Variants in CCSER1 observed in about 807,000 individuals in gnomAD.
CCSER1 encodes serine-rich coiled-coil domain-containing protein 1.
In CCSER1, 41 loss-of-function variants were observed where a neutral mutation model predicts 82.0. The ratio of observed to expected loss-of-function variants is 0.50; its 90% confidence interval spans 0.39 to 0.65. CCSER1 has a LOEUF of 0.65. CCSER1 is among the 30% of genes least tolerant of loss of function. The pLI is 0.00. For synonymous variants in CCSER1, 414 were observed against 383.9 expected (o/e 1.08, Z -0.92); for missense variants, 1,119 against 1,064.2 (o/e 1.05, Z -0.72).
chr4:91,213,975 G>A (rs1737040236), intron 10 of CCSER1, among the ~76,000 whole-genome samples: 1 of 151,986 alleles, frequency 6.6e-6, no homozygotes, highest in Admixed American at 6.6e-5. Context: ...TGTCTGTTTG[G>A]GTTATAAATA....
intron 10 of CCSER1, among the ~76,000 whole-genome samples, chr4:91,146,624 T>TG (rs2148941564): frequency 6.6e-6 from 1 of 152,168 alleles, no homozygotes; most frequent in East Asian, 1.9e-4. Context: ...GCTTTTGTTT[T>TG]TATATTCTTT....
intron 10 of CCSER1, among the ~76,000 whole-genome samples, chr4:91,435,284 A>G (rs1356055248): frequency 2.6e-5 from 4 of 152,086 alleles, no homozygotes; most frequent in Admixed American, 2.0e-4. Context: ...TACAAAAAAT[A>G]TTTAAAAGTT....
chr4:91,362,512 G>T (rs1370520208), intron 10 of CCSER1, among the ~76,000 whole-genome samples: 1 of 151,750 alleles, frequency 6.6e-6, no homozygotes, highest in African/African-American at 2.4e-5. Context: ...TTTATTTAAA[G>T]TCCAAAATAT....
chr4:91,334,317 G>A (rs564510690), intron 10 of CCSER1, among the ~76,000 whole-genome samples: 15 of 152,024 alleles, frequency 9.9e-5, no homozygotes, highest in African/African-American at 3.6e-4. Context: ...TCTCAACCTC[G>A]TATGCTTCTT....
intron 5 of CCSER1, among the ~76,000 whole-genome samples, chr4:90,536,396 C>T (rs1775367784): frequency 6.6e-6 from 1 of 152,036 alleles, no homozygotes; most frequent in Non-Finnish European, 1.5e-5. Flanking sequence ...CGATAATTAG[C>T]CTATTTGCAA....
At chr4:90,447,765 A>T (rs1760857516) in intron 4 of CCSER1, among the ~76,000 whole-genome samples, 1 of 152,186 alleles carries the variant, frequency 6.6e-6, no homozygotes, top group African/African-American at 2.4e-5. Flanking sequence ...ACGTTAATGG[A>T]TCATAACAGC....
At chr4:90,153,113 C>T (rs1237824314) in intron 1 of CCSER1, among the ~76,000 whole-genome samples, 1 of 146,140 alleles carries the variant, frequency 6.8e-6, no homozygotes, top group African/African-American at 2.5e-5. Context: ...TCAATTCCCA[C>T]CTATGAGTGA....
intron 9 of CCSER1, among the ~76,000 whole-genome samples, chr4:90,935,662 A>C (rs1008206872): frequency 2.0e-5 from 3 of 152,206 alleles, no homozygotes; most frequent in African/African-American, 7.2e-5. Context: ...CATTATAGTA[A>C]GATGTAATAT....
At chr4:90,596,438 G>A (rs1560781488) in intron 5 of CCSER1, among the ~76,000 whole-genome samples, 1 of 151,734 alleles carries the variant, frequency 6.6e-6, no homozygotes, top group Non-Finnish European at 1.5e-5. Flanking sequence ...TACTAACAAT[G>A]ATATAATTTT....
intron 3 of CCSER1, among the ~76,000 whole-genome samples, chr4:90,313,854 C>T (rs1735720447): frequency 6.6e-6 from 1 of 152,176 alleles, no homozygotes; most frequent in South Asian, 2.1e-4. Context: ...TGTCCTTTTT[C>T]AGCAGTGTAT....
At chr4:91,275,659 G>T (rs1269373948) in intron 10 of CCSER1, among the ~76,000 whole-genome samples, 5 of 152,058 alleles carry the variant, frequency 3.3e-5, no homozygotes, top group Non-Finnish European at 7.4e-5. Context: ...CTTTTGCTGT[G>T]CAGAAGCTTT....
chr4:91,345,571 G>T (rs752047170), intron 10 of CCSER1, among the ~76,000 whole-genome samples: 1 of 152,094 alleles, frequency 6.6e-6, no homozygotes, highest in Non-Finnish European at 1.5e-5. Context: ...TGAGCAGAAA[G>T]TGCAGGTCCC....
intron 10 of CCSER1, among the ~76,000 whole-genome samples, chr4:91,394,213 A>G (rs1017838857): frequency 6.6e-6 from 1 of 152,190 alleles, no homozygotes; most frequent in Admixed American, 6.6e-5. Context: ...TTTTCAGAGG[A>G]AAAAACAATG....
intron 10 of CCSER1, among the ~76,000 whole-genome samples, chr4:91,444,744 C>G (rs981201541): frequency 1.3e-5 from 2 of 152,198 alleles, no homozygotes; most frequent in Admixed American, 1.3e-4. Flanking sequence ...ACCACCACAC[C>G]CAGCCTCTTG....
At position 90,309,724 on chromosome 4, in the gene CCSER1, G is replaced by T. The variant is rs911831464; in HGVS notation, c.1324+116G>T. 4.8e-5 allele frequency: 37 copies of T among 765,202 alleles called. 1 individual carries two copies. Among genetic ancestry groups the T allele is most frequent in the Non-Finnish European group, 7.2e-5 (36 of 500,614 alleles). The allele number at this position is 765,202 out of a possible 1,614,324, so 47.4% of individuals were successfully genotyped here. A position where few individuals can be genotyped will look rare whatever the true frequency, so the allele number is the denominator to read the frequency against. ...CACATTTTTCTTGTTTTTCACTTTC[G>T]AAATGGTTTCCTATTCATAATTTGT... On this transcript the variant is annotated intron_variant, in intron 2 of 10. Coordinates refer to ENST00000509176, the MANE Select transcript of CCSER1 (RefSeq NM_001145065.2).
At chr4:90,867,835 A>C (rs2150015934) in intron 8 of CCSER1, among the ~76,000 whole-genome samples, 1 of 151,992 alleles carries the variant, frequency 6.6e-6, no homozygotes, top group Middle Eastern at 3.4e-3. Context: ...ACTTAACATA[A>C]TGTCCTCCAG....
chr4:90,723,297 C>G (rs1743014369), intron 6 of CCSER1, among the ~76,000 whole-genome samples: 1 of 151,822 alleles, frequency 6.6e-6, no homozygotes, highest in Non-Finnish European at 1.5e-5. Flanking sequence ...ACTAGATAAA[C>G]AGCCATTAGC....
chr4:90,399,957 T>C, intron 3 of CCSER1, 79 bp from the exon 4 acceptor site: 2 of 697,740 alleles, frequency 2.9e-6, no homozygotes, highest in Non-Finnish European at 2.4e-6. Context: ...TCATTTTTGC[T>C]TCACGGCTTC....
intron 9 of CCSER1, among the ~76,000 whole-genome samples, chr4:90,996,265 A>C (rs2035116): frequency 6.6e-6 from 1 of 151,912 alleles, no homozygotes; most frequent in Non-Finnish European, 1.5e-5. Flanking sequence ...TATTTTAATA[A>C]GGCAATCTTT....
Sources: allele counts gnomAD v4.1 joint callset (sites outside exome capture counted in the v4.1 genomes callset), GRCh38; gene constraint gnomAD v4.1.1; transcripts MANE v1.5; gene names NCBI Gene and HGNC (gene_info 2026-07-23, HGNC 2026-07-21).